Variants in PCDHA1 observed in about 807,000 individuals in gnomAD.
The protein encoded by PCDHA1 is protocadherin alpha-1.
In PCDHA1, 42 loss-of-function variants were observed where a neutral mutation model predicts 61.3. The observed-to-expected ratio is 0.69, with a 90% CI of 0.54 to 0.89. The LOEUF (loss-of-function observed/expected upper bound fraction) is 0.89, where lower values mean the gene tolerates loss of function less well. Among genes scored for constraint, PCDHA1 ranks in the 40% least tolerant of loss-of-function variants. The pLI is 0.00. For synonymous variants in PCDHA1, 610 were observed against 553.8 expected (o/e 1.10, Z -1.43); for missense variants, 1,256 against 1,235.3 (o/e 1.02, Z -0.25).
intron 3 of PCDHA1, among the ~76,000 whole-genome samples, chr5:141,002,832 C>T (rs147080489): frequency 1.2e-4 from 18 of 152,242 alleles, no homozygotes; most frequent in Admixed American, 2.6e-4. Context: ...GTAAATGGCC[C>T]AGGACTATGC....
intron 1 of PCDHA1, chr5:140,966,278 T>TGG (rs1173319352): frequency 3.6e-5 from 13 of 363,192 alleles, no homozygotes; most frequent in Admixed American, 2.8e-4. Context: ...AACTGGACAG[T>TGG]GGGGGTAGGG....
intron 1 of PCDHA1, chr5:140,843,553 G>T: frequency 6.3e-7 from 1 of 1,595,928 alleles, no homozygotes; most frequent in African/African-American, 1.3e-5. Context: ...GCTCCAGTGC[G>T]GTGGGGAGCT....
chr5:140,787,998 G>C lies in PCDHA1; in HGVS notation c.1708G>C (p.Val570Leu), dbSNP rs1158508561. The part of the protein sequence containing the change: ...DNAPALLAPR[V>L]GGTIGAVSEL... The stretch of plus-strand genomic sequence containing the variant: ...CGCGCCGGCGCTGCTGGCGCCTCGA[G>C]TGGGTGGCACTATTGGTGCAGTCAG... The change falls in exon 1 of 4, where the codon GTG becomes CTG. Residue 570 changes from valine (V) to leucine (L), a missense_variant. Physicochemically the swap from Val to Leu is conservative, Grantham distance 32. Transcript: ENST00000504120. The C allele has an allele frequency of 6.2e-7, 1 of 1,614,046 alleles. No individual in the cohort carries two copies.
At chr5:140,846,705 G>A (rs1780632800) in intron 1 of PCDHA1, among the ~76,000 whole-genome samples, 1 of 149,244 alleles carries the variant, frequency 6.7e-6, no homozygotes, top group Non-Finnish European at 1.5e-5. Context: ...AGAGAAGATT[G>A]TAATAACCAG....
intron 1 of PCDHA1, chr5:140,855,886 A>C: frequency 1.0e-6 from 1 of 980,916 alleles, no homozygotes; most frequent in Non-Finnish European, 1.5e-6. Context: ...GCTTTTTAGA[A>C]CAAAGGCATC....
At chr5:140,838,935 T>TAATAA (rs1186571610) in intron 1 of PCDHA1, among the ~76,000 whole-genome samples, 8 of 151,738 alleles carry the variant, frequency 5.3e-5, no homozygotes, top group South Asian at 4.2e-4. Context: ...TAAAATGAAA[T>TAATAA]AATAAAATAA....
At chr5:140,998,533 T>C (rs1362807124) in intron 3 of PCDHA1, among the ~76,000 whole-genome samples, 1 of 152,020 alleles carries the variant, frequency 6.6e-6, no homozygotes, top group Non-Finnish European at 1.5e-5. Flanking sequence ...TTTATATCCC[T>C]AATTCCTAAT....
At chr5:140,828,863 G>A (rs2150159880) in intron 1 of PCDHA1, 2 of 1,614,200 alleles carry the variant, frequency 1.2e-6, no homozygotes, top group East Asian at 2.2e-5. Context: ...TGCAGACAAC[G>A]GAACAACAGT....
intron 1 of PCDHA1, among the ~76,000 whole-genome samples, chr5:140,898,083 A>G (rs2066516404): frequency 6.6e-6 from 1 of 151,810 alleles, no homozygotes; most frequent in South Asian, 2.1e-4. Context: ...TAGATTCTGG[A>G]TATTAGCCCT....
At chr5:140,902,437 T>A (rs2069464443) in intron 1 of PCDHA1, among the ~76,000 whole-genome samples, 3 of 152,154 alleles carry the variant, frequency 2.0e-5, no homozygotes, top group Admixed American at 2.0e-4. Context: ...GGCATCCTTG[T>A]CATATTCTAG....
Position 140,788,585 on chromosome 5 carries a change from C to G in PCDHA1, c.2295C>G (p.Pro765=). The G allele has an allele frequency of 6.2e-7, 1 of 1,614,186 alleles. No homozygotes were observed. The highest frequency in any genetic ancestry group is 8.5e-7 in the Non-Finnish European group (1 of 1,180,020). The change falls in exon 1 of 4, where the codon CCC becomes CCG. Residue 765 remains proline (P), a synonymous_variant. Transcript: ENST00000504120. Reference sequence around the variant, plus strand: ...GGGTGTGCTCTAGCGAGGGCCCACCCAAGACCGACCTCATGGCCTTCAGCC... The same window carrying G: ...GGGTGTGCTCTAGCGAGGGCCCACCGAAGACCGACCTCATGGCCTTCAGCC... ...RQRVCSSEGP[P]KTDLMAFSPG... is the part of the protein sequence containing the mutation.
chr5:140,937,544 G>A (rs1584916814), intron 1 of PCDHA1, among the ~76,000 whole-genome samples: 1 of 151,510 alleles, frequency 6.6e-6, no homozygotes, highest in South Asian at 2.1e-4. Flanking sequence ...TTGAACCTGC[G>A]AGGCAGAGGT....
intron 1 of PCDHA1, among the ~76,000 whole-genome samples, chr5:140,898,010 T>A (rs2066467224): frequency 6.6e-6 from 1 of 152,240 alleles, no homozygotes; most frequent in African/African-American, 2.4e-5. Context: ...TCTGTTCATA[T>A]CCTTTGCCCA....
intron 3 of PCDHA1, among the ~76,000 whole-genome samples, chr5:140,986,867 C>A (rs1238623584): frequency 6.6e-6 from 1 of 152,140 alleles, no homozygotes; most frequent in Non-Finnish European, 1.5e-5. Flanking sequence ...TACCCGGAAA[C>A]TTGTTAGAAA....
At position 140,857,142 on chromosome 5, in the gene PCDHA1, G is replaced by A. The variant is rs782455438; in HGVS notation, c.2394+68458G>A. On this transcript the variant is annotated intron_variant, in intron 1 of 3. Transcript: ENST00000504120. ...CCAGTGAAAGAAGATGCTCAAGTGGGCACCGTCATTGCCCTAATCAGCGTT... is the reference window on the plus strand; with the variant it reads ...CCAGTGAAAGAAGATGCTCAAGTGGACACCGTCATTGCCCTAATCAGCGTT... 4 of 1,598,268 alleles carry A rather than the reference G, an allele frequency of 2.5e-6. No homozygotes were observed. The highest frequency in any genetic ancestry group is 3.4e-5 in the Admixed American group (2 of 59,268).
At chr5:140,998,112 T>A (rs1554256165) in intron 3 of PCDHA1, among the ~76,000 whole-genome samples, 2 of 152,152 alleles carry the variant, frequency 1.3e-5, no homozygotes, top group Non-Finnish European at 2.9e-5. Context: ...AGGAGAAAAT[T>A]TACTTGTGAA....
intron 1 of PCDHA1, among the ~76,000 whole-genome samples, chr5:140,948,219 T>G (rs1285446038): frequency 6.6e-6 from 1 of 151,682 alleles, no homozygotes; most frequent in Non-Finnish European, 1.5e-5. Context: ...CAAACATTGT[T>G]AGATTTAACT....
At chr5:140,823,295 T>G in intron 1 of PCDHA1, 3 of 1,612,260 alleles carry the variant, frequency 1.9e-6, no homozygotes, top group Non-Finnish European at 2.5e-6. Flanking sequence ...TCGAGTTACG[T>G]TTCGGTGCAC....
intron 1 of PCDHA1, among the ~76,000 whole-genome samples, chr5:140,790,019 C>T (rs1761565023): frequency 6.6e-6 from 1 of 152,148 alleles, no homozygotes; most frequent in African/African-American, 2.4e-5. Context: ...AAAAATCAAG[C>T]CTAGGCTGAG....
Sources: gnomAD v4.1 joint callset for allele counts (sites outside exome capture counted in the v4.1 genomes callset) on GRCh38, gnomAD v4.1.1 for gene constraint, MANE v1.5 for transcripts, NCBI Gene and HGNC (gene_info 2026-07-23, HGNC 2026-07-21) for gene names.